Variants in NOX4 observed in about 807,000 individuals in gnomAD.
The protein encoded by NOX4 is NADPH oxidase 4, also known as kidney oxidase-1.
NOX4 carries 69 observed loss-of-function variants against 87.6 expected under a neutral mutation model. That is an observed-to-expected ratio of 0.79 (90% confidence interval 0.65 to 0.96). NOX4 has a LOEUF of 0.96. Among genes scored for constraint, NOX4 ranks in the 40% least tolerant of loss-of-function variants. The pLI, the probability that NOX4 is intolerant of heterozygous loss-of-function variation, is 0.00. For synonymous variants in NOX4, 275 were observed against 238.2 expected, an observed-to-expected ratio of 1.15 and a Z score of -1.42; for missense variants, 680 against 681.5, an observed-to-expected ratio of 1.00 and a Z score of 0.02.
chr11:89,408,243 T>C (rs1227811565), intron 8 of NOX4, among the ~76,000 whole-genome samples: 1 of 152,190 alleles, frequency 6.6e-6, no homozygotes, highest in Non-Finnish European at 1.5e-5. Flanking sequence ...TAAATATTCA[T>C]TGATTAACTT....
At chr11:89,343,594 C>G (rs2134920582) in intron 13 of NOX4, among the ~76,000 whole-genome samples, 1 of 152,084 alleles carries the variant, frequency 6.6e-6, no homozygotes, top group Non-Finnish European at 1.5e-5. Flanking sequence ...ACTACTTAAA[C>G]CACTTTTTTT....
At chr11:89,431,689 A>T (rs1383151904) in intron 7 of NOX4, among the ~76,000 whole-genome samples, 1 of 152,218 alleles carries the variant, frequency 6.6e-6, no homozygotes, top group Non-Finnish European at 1.5e-5. Context: ...ATCATTAAAA[A>T]GTCAGGAAAC....
intron 12 of NOX4, among the ~76,000 whole-genome samples, chr11:89,358,477 CT>C (rs1467176442): frequency 6.7e-6 from 1 of 149,026 alleles, no homozygotes; most frequent in African/African-American, 2.5e-5. Flanking sequence ...AAAAGCATGT[CT>C]TTTAAAAAAA....
chr11:89,476,039 C>T (rs1946154041), intron 2 of NOX4, among the ~76,000 whole-genome samples: 1 of 152,108 alleles, frequency 6.6e-6, no homozygotes, highest in Non-Finnish European at 1.5e-5. Context: ...CAAAACATCT[C>T]CACTCATATT....
intron 1 of NOX4, 130 bp downstream of exon 1, chr11:89,491,060 T>A: frequency 1.2e-6 from 1 of 807,452 alleles, no homozygotes. Flanking sequence ...CATAAAGTTT[T>A]GTAAGTTGAG....
the NOX4 span, among the ~76,000 whole-genome samples, chr11:89,535,537 A>G: frequency 3.3e-5 from 5 of 152,186 alleles, no homozygotes. Context: ...TGCATCATGT[A>G]ATTTATTTTG....
intron 5 of NOX4, chr11:89,443,327 G>C (rs995596782): frequency 1.3e-5 from 2 of 151,792 alleles, no homozygotes; most frequent in Non-Finnish European, 2.9e-5. Context: ...ATGTGGAGGG[G>C]AAAAAGGAGT....
chr11:89,418,606 T>C (rs1404568380), intron 8 of NOX4, among the ~76,000 whole-genome samples: 2 of 151,768 alleles, frequency 1.3e-5, no homozygotes, highest in African/African-American at 2.4e-5. Context: ...AACAGATGAA[T>C]AGAATTTAGA....
At chr11:89,542,702 A>T in the NOX4 span, among the ~76,000 whole-genome samples, 6 of 152,152 alleles carry the variant, frequency 3.9e-5, no homozygotes, top group Admixed American at 3.9e-4. Flanking sequence ...GAACAAGGAC[A>T]TCATCACCTT....
At chr11:89,571,847 T>G in the NOX4 span, among the ~76,000 whole-genome samples, 1 of 152,178 alleles carries the variant, frequency 6.6e-6, no homozygotes, top group Non-Finnish European at 1.5e-5. Flanking sequence ...GGGAATTTCC[T>G]TGTGGACAAA....
chr11:89,578,301 A>T, the NOX4 span, among the ~76,000 whole-genome samples: 3 of 151,848 alleles, frequency 2.0e-5, no homozygotes, highest in African/African-American at 4.8e-5. Context: ...AGCCGGGACT[A>T]CAGGTGCATG....
chr11:89,392,014 AC>A (rs1396568834), intron 11 of NOX4, among the ~76,000 whole-genome samples: 1 of 136,156 alleles, frequency 7.3e-6, no homozygotes, highest in Admixed American at 8.2e-5. Context: ...CCCTCTCCCG[AC>A]CTGGGATAAT....
chr11:89,393,275 C>T (rs1941249435), intron 11 of NOX4, among the ~76,000 whole-genome samples: 1 of 152,098 alleles, frequency 6.6e-6, no homozygotes, highest in African/African-American at 2.4e-5. Context: ...TATGTCAATA[C>T]TGCCATGATT....
At chr11:89,559,429 T>TA in the NOX4 span, among the ~76,000 whole-genome samples, 3 of 152,006 alleles carry the variant, frequency 2.0e-5, no homozygotes, top group East Asian at 1.9e-4. Flanking sequence ...TTTCCAAGGA[T>TA]AAAAAAAGAC....
At position 89,465,044 on chromosome 11, in the gene NOX4, GT is replaced by G. The variant is rs1378695209; in HGVS notation, c.154-13150del. 3.3e-5 allele frequency among the ~76,000 whole-genome samples: 5 copies of G among 152,058 alleles called. No homozygotes were observed. In the South Asian group the frequency reaches 6.2e-4, roughly 19 times the overall value. ...TGGGCTACATGTGCAGAACGTGTAG[GT>G]TTTTTACATAGGTATACACGTACCA... On this transcript the variant is annotated intron_variant, in intron 2 of 17. Coordinates refer to ENST00000263317, the MANE Select transcript of NOX4 (RefSeq NM_016931.5).
chr11:89,425,780 G>C (rs542175280), intron 7 of NOX4, among the ~76,000 whole-genome samples: 8 of 152,160 alleles, frequency 5.3e-5, no homozygotes, highest in African/African-American at 1.7e-4. Context: ...GTGTATGTAT[G>C]TGTGTGCACA....
In NOX4 at chr11:89,472,860, G is replaced by A. The variant is rs530741819; in HGVS notation, c.153+17598C>T. Among the ~76,000 whole-genome samples the A allele has an allele frequency of 1.3e-3, 199 of 152,264 alleles. 3 individuals are homozygous for A. The highest frequency in any genetic ancestry group is 0.012 in the South Asian group (58 of 4,830). On this transcript the variant is annotated intron_variant, in intron 2 of 17. Transcript: ENST00000263317. ...TTGTCTAGTGAACAGTTCACCAGGT[G>A]TAAATGATTATGAAATTTTAATCAC...
rs369043493 is a variant in NOX4 at position 89,491,357 on chromosome 11, C to T, written c.-111G>A. The T allele has an allele frequency of 1.9e-6, 2 of 1,028,692 alleles. No homozygotes were observed. Among genetic ancestry groups the T allele is most frequent in the Non-Finnish European group, 2.8e-6 (2 of 718,464 alleles). The allele number at this position is 1,028,692 out of a possible 1,614,324, so 63.7% of individuals were successfully genotyped here. A position where few individuals can be genotyped will look rare whatever the true frequency, so the allele number is the denominator to read the frequency against. Reference sequence around the variant, plus strand: ...GCCTGCCGGGCCGCTGAGCGAGGACCGAGGGTCAAAGACTGAGTGGAAGCC... The same window carrying T: ...GCCTGCCGGGCCGCTGAGCGAGGACTGAGGGTCAAAGACTGAGTGGAAGCC... On this transcript the variant is annotated 5_prime_UTR_variant, in exon 1 of 18. Coordinates refer to ENST00000263317, the MANE Select transcript of NOX4 (RefSeq NM_016931.5).
intron 2 of NOX4, among the ~76,000 whole-genome samples, chr11:89,468,725 C>T (rs1348750900): frequency 6.6e-6 from 1 of 152,038 alleles, no homozygotes; most frequent in African/African-American, 2.4e-5. Flanking sequence ...ATCTTTGCCT[C>T]AGCTAGAAAT....
Sources: allele counts gnomAD v4.1 joint callset (sites outside exome capture counted in the v4.1 genomes callset), GRCh38; gene constraint gnomAD v4.1.1; transcripts MANE v1.5; gene names NCBI Gene and HGNC (gene_info 2026-07-23, HGNC 2026-07-21).